ZNF385B: variants seen among roughly 807,000 people sequenced by gnomAD.
The protein encoded by ZNF385B is zinc finger protein 533.
ZNF385B carries 23 observed loss-of-function variants against 39.2 expected under a neutral mutation model. That is an observed-to-expected ratio of 0.59 (90% confidence interval 0.42 to 0.83). The LOEUF (loss-of-function observed/expected upper bound fraction) is 0.83, where lower values mean the gene tolerates loss of function less well. Among genes scored for constraint, ZNF385B ranks in the 40% least tolerant of loss-of-function variants. The probability of loss-of-function intolerance (pLI) is 0.00; values close to 1 mark genes in which losing one functional copy is unlikely to be tolerated. For missense variants in ZNF385B, 552 were observed against 598.9 expected, an observed-to-expected ratio of 0.92 and a Z score of 0.82; for synonymous variants, 205 against 222.6, an observed-to-expected ratio of 0.92 and a Z score of 0.70.
At chr2:179,666,232 A>G (rs1695139493) in intron 3 of ZNF385B, among the ~76,000 whole-genome samples, 1 of 152,210 alleles carries the variant, frequency 6.6e-6, no homozygotes, top group Non-Finnish European at 1.5e-5. Context: ...GTTGGTTACA[A>G]TAGATGTTTG....
At chr2:179,481,333 C>A (rs762283896) in intron 6 of ZNF385B, among the ~76,000 whole-genome samples, 2 of 151,794 alleles carry the variant, frequency 1.3e-5, no homozygotes, top group Admixed American at 6.6e-5. Flanking sequence ...CCCTTTATTT[C>A]GATTTTCTAT....
At chr2:179,539,183 C>T (rs74663856) in intron 4 of ZNF385B, among the ~76,000 whole-genome samples, 4,442 of 152,244 alleles carry the variant, frequency 0.029, 105 homozygotes, top group East Asian at 0.11. Flanking sequence ...GGTGGGGTTC[C>T]GAGTGAGGGC....
intron 1 of ZNF385B, among the ~76,000 whole-genome samples, chr2:179,806,636 G>T (rs1200639330): frequency 6.6e-6 from 1 of 152,146 alleles, no homozygotes; most frequent in Non-Finnish European, 1.5e-5. Context: ...CAACACACTT[G>T]TAAGACATTC....
chr2:179,685,278 C>A (rs985554144), intron 3 of ZNF385B, among the ~76,000 whole-genome samples: 4 of 152,166 alleles, frequency 2.6e-5, no homozygotes, highest in Admixed American at 6.5e-5. Flanking sequence ...CATAACTCTA[C>A]TACTGAAACA....
intron 3 of ZNF385B, among the ~76,000 whole-genome samples, chr2:179,662,499 G>T (rs1393916070): frequency 6.6e-6 from 1 of 151,956 alleles, no homozygotes; most frequent in Non-Finnish European, 1.5e-5. Context: ...ATCTTTACCA[G>T]GCGCTTGATA....
intron 4 of ZNF385B, chr2:179,522,989 T>C: frequency 2.7e-6 from 1 of 368,282 alleles, no homozygotes; most frequent in Admixed American, 3.7e-5. Flanking sequence ...ACATGAAAAT[T>C]TAAAGACCCA....
At chr2:179,586,845 T>G (rs940979504) in intron 3 of ZNF385B, among the ~76,000 whole-genome samples, 1 of 152,080 alleles carries the variant, frequency 6.6e-6, no homozygotes, top group Non-Finnish European at 1.5e-5. Flanking sequence ...GAGACCAGCC[T>G]GATCAACATG....
rs567965321 is a variant in ZNF385B at position 179,810,832 on chromosome 2, T to A, written c.-154-40160A>T. Among the ~76,000 whole-genome samples the A allele has an allele frequency of 1.7e-3, 256 of 152,096 alleles. 1 individual carries two copies. Among genetic ancestry groups the A allele is most frequent in the African/African-American group, 5.9e-3 (245 of 41,534 alleles). On this transcript the variant is annotated intron_variant, in intron 1 of 9. Coordinates refer to ENST00000410066, the MANE Select transcript of ZNF385B (RefSeq NM_152520.6). Reference sequence around the variant, plus strand: ...TGCATAAAGATTAAGTGAGCTTTCATTCAAGAAGGAAAATGGGAATATAAG... The same window carrying A: ...TGCATAAAGATTAAGTGAGCTTTCAATCAAGAAGGAAAATGGGAATATAAG...
At chr2:179,830,925 T>C (rs2106597154) in intron 1 of ZNF385B, among the ~76,000 whole-genome samples, 1 of 152,220 alleles carries the variant, frequency 6.6e-6, no homozygotes, top group South Asian at 2.1e-4. Context: ...CCAATGCAAG[T>C]TGCTAACAAT....
intron 1 of ZNF385B, among the ~76,000 whole-genome samples, chr2:179,844,549 T>G (rs1221489296): frequency 6.6e-6 from 1 of 152,190 alleles, no homozygotes; most frequent in African/African-American, 2.4e-5. Flanking sequence ...ACTGGTGTTA[T>G]TTCTACTTCA....
At chr2:179,556,006 G>A (rs897142932) in intron 3 of ZNF385B, among the ~76,000 whole-genome samples, 3 of 149,154 alleles carry the variant, frequency 2.0e-5, no homozygotes, top group Non-Finnish European at 4.4e-5. Context: ...AGCCGCATCA[G>A]GAGGGATTTA....
chr2:179,535,860 G>C (rs971663740), intron 4 of ZNF385B, among the ~76,000 whole-genome samples: 8 of 152,108 alleles, frequency 5.3e-5, no homozygotes, highest in Non-Finnish European at 1.2e-4. Flanking sequence ...AAAAGTAAAG[G>C]AACCAGAATA....
intron 3 of ZNF385B, among the ~76,000 whole-genome samples, chr2:179,641,620 C>T (rs947037353): frequency 1.3e-5 from 2 of 151,918 alleles, no homozygotes; most frequent in Non-Finnish European, 2.9e-5. Flanking sequence ...ATGCATACAA[C>T]AAAATTGAAC....
chr2:179,685,984 G>A (rs143005079), intron 3 of ZNF385B, among the ~76,000 whole-genome samples: 1 of 152,138 alleles, frequency 6.6e-6, no homozygotes, highest in Non-Finnish European at 1.5e-5. Flanking sequence ...ATTGGGAAGG[G>A]AGTGGAGACC....
chr2:179,665,690 C>G (rs527308820), intron 3 of ZNF385B, among the ~76,000 whole-genome samples: 10 of 152,202 alleles, frequency 6.6e-5, no homozygotes, highest in Non-Finnish European at 1.0e-4. Context: ...TGCCACCAGA[C>G]AGAGCACCAG....
chr2:179,443,349 G>A lies in ZNF385B; in HGVS notation c.1362C>T (p.Ala454=). ...SALSLPPRPS[A]SLFQAPAIPP... is the part of the protein sequence containing the mutation. ...GAATGGCTGGAGCCTGGAAGAGCGA[G>A]GCAGAGGGCCGGGGTGGGAGTGACA... Residue 454 remains alanine, a synonymous_variant, in exon 10 of 10, where the codon GCC becomes GCT. Transcript: ENST00000410066. The A allele has an allele frequency of 1.2e-6, 2 of 1,612,764 alleles. No individual in the cohort carries two copies. Among genetic ancestry groups the A allele is most frequent in the Non-Finnish European group, 1.7e-6 (2 of 1,179,616 alleles).
intron 1 of ZNF385B, among the ~76,000 whole-genome samples, chr2:179,803,081 C>T (rs760147587): frequency 6.6e-6 from 1 of 152,152 alleles, no homozygotes; most frequent in Non-Finnish European, 1.5e-5. Context: ...TTATCATCCT[C>T]ATGTTACGAT....
chr2:179,645,312 G>T (rs1345399714), intron 3 of ZNF385B, among the ~76,000 whole-genome samples: 5 of 152,290 alleles, frequency 3.3e-5, no homozygotes, highest in South Asian at 4.1e-4. Flanking sequence ...GCCTTCCAGG[G>T]CTGGCTCTTA....
chr2:179,701,020 C>CAAAACA (rs900762449), intron 3 of ZNF385B, among the ~76,000 whole-genome samples: 5 of 151,974 alleles, frequency 3.3e-5, no homozygotes, highest in African/African-American at 9.7e-5. Flanking sequence ...TTCAAAAAAA[C>CAAAACA]AAAACAAAAA....
Sources: gnomAD v4.1 joint callset for allele counts (sites outside exome capture counted in the v4.1 genomes callset) on GRCh38, gnomAD v4.1.1 for gene constraint, MANE v1.5 for transcripts, NCBI Gene and HGNC (gene_info 2026-07-23, HGNC 2026-07-21) for gene names.